The following ASMTL variants were observed in gnomAD, a reference collection of about 807,000 sequenced individuals.
ASMTL encodes the protein probable bifunctional dTTP/UTP pyrophosphatase/methyltransferase protein.
Under a neutral mutation model 60.3 loss-of-function variants are expected in ASMTL, and 57 were observed. The observed-to-expected ratio is 0.95, with a 90% CI of 0.76 to 1.18. ASMTL has a LOEUF of 1.18. ASMTL is among the 50% of genes most tolerant of loss of function. The probability of loss-of-function intolerance (pLI) is 0.00; values close to 1 mark genes in which losing one functional copy is unlikely to be tolerated. For synonymous variants in ASMTL, 419 were observed against 373.0 expected, an observed-to-expected ratio of 1.12 and a Z score of -1.42; for missense variants, 981 against 852.6, an observed-to-expected ratio of 1.15 and a Z score of -1.88.
rs369120821 is a variant in ASMTL, at chrX:1,415,841, C to T, written c.1522+2132G>A. On this transcript the variant is annotated intron_variant, in intron 11 of 12. Coordinates refer to ENST00000381317, the MANE Select transcript of ASMTL (RefSeq NM_004192.4). ...ACACGCACAGGCAGACCCACGGACG[C>T]ACAGACACAGACACAGGCACACACA... is the stretch of plus-strand genomic sequence containing the variant. 1.6e-3 allele frequency among the ~76,000 whole-genome samples: 250 copies of T among 151,902 alleles called. 1 individual carries two copies. Among genetic ancestry groups the T allele is most frequent in the African/African-American group, 5.8e-3 (240 of 41,238 alleles).
intron 11 of ASMTL, among the ~76,000 whole-genome samples, chrX:1,414,733 G>T (rs1479774830): frequency 6.6e-6 from 1 of 152,008 alleles, no homozygotes; most frequent in Non-Finnish European, 1.5e-5. Flanking sequence ...CAGCATTTCT[G>T]TCTCTGCAGA....
chrX:1,442,592 A>G (rs1170263705), intron 1 of ASMTL, among the ~76,000 whole-genome samples: 2 of 152,110 alleles, frequency 1.3e-5, no homozygotes, highest in Non-Finnish European at 2.9e-5. Flanking sequence ...AGAGATTGGC[A>G]AAGGAAGAAG....
chrX:1,439,082 C>A lies in ASMTL; in HGVS notation c.273+15G>T. On this transcript the variant is annotated intron_variant, in intron 3 of 12. Transcript: ENST00000381317. ...ACATCGGACATTAGAAACGAGGCAC[C>A]CTGGCCGCACTCACCACGATCGTGT... 1 of 1,613,832 alleles carries A rather than the reference C, an allele frequency of 6.2e-7. No individual in the cohort carries two copies. Among genetic ancestry groups the A allele is most frequent in the Non-Finnish European group, 8.5e-7 (1 of 1,179,718 alleles).
intron 6 of ASMTL, 150 bp downstream of exon 6, chrX:1,432,119 G>T: frequency 1.5e-6 from 1 of 647,242 alleles, no homozygotes; most frequent in South Asian, 1.9e-5. Context: ...TGAAGGGTTT[G>T]TGCTTCTGAG....
intron 8 of ASMTL, 171 bp from the exon 9 acceptor site, chrX:1,422,013 A>T (rs1233460609): frequency 5.5e-6 from 1 of 181,534 alleles, no homozygotes; most frequent in Admixed American, 6.5e-5. Flanking sequence ...ATGTTAAAAT[A>T]AACATCATCC....
At chrX:1,404,397 GTGGA>G (rs373976343) in intron 12 of ASMTL, among the ~76,000 whole-genome samples, 87 of 150,162 alleles carry the variant, frequency 5.8e-4, no homozygotes, top group African/African-American at 1.1e-3. Context: ...GGGTAGGTAG[GTGGA>G]TGGATGGATG....
chrX:1,428,762 T>TTGTG (rs750546190), intron 6 of ASMTL, among the ~76,000 whole-genome samples: 1 of 145,934 alleles, frequency 6.9e-6, no homozygotes, highest in African/African-American at 2.6e-5. Flanking sequence ...CATCTACGAA[T>TTGTG]TGTGTGTGTG....
chrX:1,431,194 T>C (rs1466182311), intron 6 of ASMTL, among the ~76,000 whole-genome samples: 1 of 126,000 alleles, frequency 7.9e-6, no homozygotes, highest in Admixed American at 8.9e-5. Flanking sequence ...TATATATAAT[T>C]ATATATCATT....
In ASMTL at chrX:1,432,252, C is replaced by A; in HGVS notation, c.509+17G>T. ...TCCACACGTGTCCCCCGTCCCCCCA[C>A]CGCCCCCGAGACTCACATGGGCTCC... On this transcript the variant is annotated intron_variant, in intron 6 of 12. Transcript: ENST00000381317. The A allele has an allele frequency of 6.3e-7, 1 of 1,586,636 alleles. No individual in the cohort carries two copies. The highest frequency in any genetic ancestry group is 8.6e-7 in the Non-Finnish European group (1 of 1,158,842).
intron 12 of ASMTL, among the ~76,000 whole-genome samples, chrX:1,406,010 G>GA (rs1221890601): frequency 4.0e-5 from 6 of 148,786 alleles, no homozygotes; most frequent in African/African-American, 1.5e-4. Flanking sequence ...ATGTATGGAT[G>GA]TGATGGATGG....
At chrX:1,448,636 C>A (rs188499119) in intron 1 of ASMTL, among the ~76,000 whole-genome samples, 35 of 151,922 alleles carry the variant, frequency 2.3e-4, no homozygotes, top group Non-Finnish European at 4.6e-4. Flanking sequence ...TGGACACACA[C>A]CGCCATCTTG....
intron 12 of ASMTL, 99 bp from the exon 13 acceptor site, chrX:1,403,588 G>A: frequency 1.8e-6 from 2 of 1,126,096 alleles, no homozygotes; most frequent in Admixed American, 1.8e-5. Flanking sequence ...TCAGAACGGT[G>A]AGCAGAGGCT....
chrX:1,430,954 A>C (rs1466855262), intron 6 of ASMTL, among the ~76,000 whole-genome samples: 1 of 141,754 alleles, frequency 7.1e-6, no homozygotes, highest in African/African-American at 2.6e-5. Flanking sequence ...TATGTATTAC[A>C]TATATTTAAT....
At position 1,427,812 on chromosome X, in the gene ASMTL, C is replaced by G; in HGVS notation, c.819G>C (p.Glu273Asp). The G allele has an allele frequency of 6.2e-7, 1 of 1,612,846 alleles. No individual in the cohort carries two copies. The highest frequency in any genetic ancestry group is 1.3e-5 in the African/African-American group (1 of 75,048). ...GCAGGGTCTCCCGAGTCCTGTGACA[C>G]TCAGCCTCTGCCGTGGCCTGTCCCG... ...GEAGQATAEA[E>D]CHRTRETLPP... The change falls in exon 7 of 13, where the codon GAG becomes GAC. Residue 273 changes from glutamate to aspartate, a missense_variant. By Grantham distance (45) the Glu-to-Asp change is conservative (BLOSUM62 2). Coordinates refer to ENST00000381317, the MANE Select transcript of ASMTL (RefSeq NM_004192.4).
chrX:1,417,752 AGACATGCTCCATGT>A (rs1473646809), intron 11 of ASMTL, among the ~76,000 whole-genome samples: 93,814 of 142,128 alleles, frequency 0.66, 30,631 homozygotes, highest in South Asian at 0.85. Flanking sequence ...GCTCACGCAC[AGACATGCTCCATGT>A]CACAGGTATG....
rs1301572186 is a variant in ASMTL at position 1,432,433 on chromosome X, C to T, written c.401-56G>A. 16 of 1,374,050 alleles carry T rather than the reference C, an allele frequency of 1.2e-5. No homozygotes were observed. The South Asian group carries it at 1.2e-4, about 10-fold the overall frequency. 85.1% of individuals were successfully genotyped at this position (1,374,050 alleles called of 1,614,324 possible). On this transcript the variant is annotated intron_variant, in intron 5 of 12. Transcript: ENST00000381317. ...GGACGCCAGCTTGTCACCTCCGTGC[C>T]CTGACAGCTGCGTGGCTGTGCTGTG...
At chrX:1,417,875 A>T in intron 11 of ASMTL, 98 bp downstream of exon 11, 1 of 1,472,360 alleles carries the variant, frequency 6.8e-7, no homozygotes, top group South Asian at 1.4e-5. Context: ...GGAAACGCCC[A>T]GGCAGAAACA....
intron 3 of ASMTL, among the ~76,000 whole-genome samples, chrX:1,436,573 C>T (rs1417267957): frequency 4.3e-4 from 65 of 152,238 alleles, no homozygotes; most frequent in South Asian, 6.2e-4. Context: ...AGGATGGTCT[C>T]GATCTCCTGA....
upstream of ASMTL, among the ~76,000 whole-genome samples, chrX:1,453,138 A>C (rs1368088820): frequency 2.2e-5 from 3 of 136,318 alleles, no homozygotes; most frequent in Non-Finnish European, 4.8e-5. Context: ...CCACGCCCAG[A>C]CCACGCCTCC....
Sources: allele counts gnomAD v4.1 joint callset (sites outside exome capture counted in the v4.1 genomes callset), GRCh38; gene constraint gnomAD v4.1.1; transcripts MANE v1.5; gene names NCBI Gene and HGNC (gene_info 2026-07-23, HGNC 2026-07-21).